Variants in SATB2 observed in about 807,000 individuals in gnomAD.
The protein encoded by SATB2 is DNA-binding protein SATB2.
SATB2 carries 1 observed loss-of-function variant against 73.4 expected under a neutral mutation model. The observed-to-expected ratio is 0.01, with a 90% CI of 0.00 to 0.06. The LOEUF (loss-of-function observed/expected upper bound fraction) is 0.06. Ranked by LOEUF, SATB2 falls within the 10% of genes least tolerant of loss-of-function variation. The pLI, the probability that SATB2 is intolerant of heterozygous loss-of-function variation, is 1.00. For synonymous variants in SATB2, 397 were observed against 367.0 expected (o/e 1.08, Z -0.93); for missense variants, 459 against 945.8 (o/e 0.49, Z 6.75).
chr2:199,299,663 C>A (rs1276802059), intron 10 of SATB2, among the ~76,000 whole-genome samples: 3 of 151,682 alleles, frequency 2.0e-5, no homozygotes, highest in Non-Finnish European at 4.4e-5. Context: ...ATATGTGGTG[C>A]CTGGAATAAC....
chr2:199,311,365 AC>A (rs1687589788), intron 9 of SATB2, among the ~76,000 whole-genome samples: 1 of 151,856 alleles, frequency 6.6e-6, no homozygotes, highest in South Asian at 2.1e-4. Flanking sequence ...TCAACAGCGC[AC>A]CCCCACCACA....
chr2:199,316,126 G>A (rs977774692), intron 9 of SATB2, among the ~76,000 whole-genome samples: 3 of 152,064 alleles, frequency 2.0e-5, no homozygotes, highest in Admixed American at 1.3e-4. Flanking sequence ...AGCACATAAA[G>A]TCCCCAAACA....
chr2:199,324,411 T>C (rs1687976894), intron 8 of SATB2, among the ~76,000 whole-genome samples: 1 of 152,176 alleles, frequency 6.6e-6, no homozygotes, highest in South Asian at 2.1e-4. Flanking sequence ...GTCTCTCTTA[T>C]TCTTTATTAA....
At position 199,464,433 on chromosome 2, in the gene SATB2, G is replaced by GCGCACA. The variant is rs1473573048; in HGVS notation, c.-141+402_-141+403insTGTGCG. On this transcript the variant is annotated intron_variant, in intron 1 of 11. Coordinates refer to the SATB2 transcript ENST00000260926. The surrounding 1 kb of genome is among the most constrained non-coding windows in gnomAD (Gnocchi z 6.6). ...CACCACCATTTCCACGCGCGCGCGC[G>GCGCACA]CACACACACACACACACACACAGAG... 6.7e-6 allele frequency among the ~76,000 whole-genome samples: 1 copy of GCGCACA among 149,382 alleles called. No individual in the cohort carries two copies. Among genetic ancestry groups the GCGCACA allele is most frequent in the African/African-American group, 2.4e-5 (1 of 40,970 alleles).
At chr2:199,382,274 C>A (rs567044033) in intron 3 of SATB2, among the ~76,000 whole-genome samples, 5 of 152,228 alleles carry the variant, frequency 3.3e-5, no homozygotes, top group Non-Finnish European at 7.4e-5. Flanking sequence ...GACTGTGGTG[C>A]GATTCCCAGT....
intron 3 of SATB2, among the ~76,000 whole-genome samples, chr2:199,425,080 G>A (rs1167954386): frequency 1.3e-5 from 2 of 152,142 alleles, no homozygotes; most frequent in African/African-American, 2.4e-5. Flanking sequence ...ATGCTTTAAA[G>A]GGGAGCAGAA....
At chr2:199,469,200 C>A (rs2105972468), upstream of SATB2, among the ~76,000 whole-genome samples, 1 of 152,314 alleles carries the variant, frequency 6.6e-6, no homozygotes, top group East Asian at 1.9e-4. Context: ...GAAGGTTAAT[C>A]ATTTTGTTAA....
chr2:199,361,606 A>T (rs543902047), intron 6 of SATB2, among the ~76,000 whole-genome samples: 129 of 151,938 alleles, frequency 8.5e-4, no homozygotes, highest in African/African-American at 3.0e-3. Flanking sequence ...CCTCATTTTC[A>T]ATATGTCACT....
intron 5 of SATB2, among the ~76,000 whole-genome samples, chr2:199,370,388 T>C (rs1036824565): frequency 3.3e-5 from 5 of 152,112 alleles, no homozygotes; most frequent in Non-Finnish European, 7.4e-5. Context: ...TTTTTTAACA[T>C]GAAAGTAGCT....
At chr2:199,440,520 T>C (rs1456430858) in intron 2 of SATB2, among the ~76,000 whole-genome samples, 3 of 152,028 alleles carry the variant, frequency 2.0e-5, no homozygotes, top group Non-Finnish European at 4.4e-5. Flanking sequence ...TAAGAAACAG[T>C]AGAAAAAAAA....
chr2:199,416,947 A>G (rs924889375), intron 3 of SATB2, among the ~76,000 whole-genome samples: 3 of 151,834 alleles, frequency 2.0e-5, no homozygotes, highest in African/African-American at 7.3e-5. Flanking sequence ...GAGGCAGGAG[A>G]ATGGCGTGAA....
chr2:199,280,811 CT>C (rs1184042066), intron 10 of SATB2, among the ~76,000 whole-genome samples: 4 of 152,272 alleles, frequency 2.6e-5, no homozygotes, highest in South Asian at 4.2e-4. Context: ...AATTTCGCCC[CT>C]GTCCTGTGGT....
chr2:199,458,463 G>A (rs754616073), upstream of SATB2: 2 of 395,446 alleles, frequency 5.1e-6, no homozygotes, highest in South Asian at 3.5e-5. Flanking sequence ...TGCGGCGCGA[G>A]GCGGTGGCCG....
At chr2:199,325,044 A>G (rs1023757566) in intron 8 of SATB2, among the ~76,000 whole-genome samples, 4 of 152,084 alleles carry the variant, frequency 2.6e-5, no homozygotes, top group Non-Finnish European at 5.9e-5. Context: ...GGCAGTGTGG[A>G]CTCTGTGACA....
chr2:199,464,367 G>C lies in SATB2; in HGVS notation c.-141+469C>G, dbSNP rs984565382. Among the ~76,000 whole-genome samples the C allele has an allele frequency of 6.6e-6, 1 of 152,094 alleles. No homozygotes were observed. Among genetic ancestry groups the C allele is most frequent in the African/African-American group, 2.4e-5 (1 of 41,396 alleles). ...CTTAGAGGACTTCACTGGGCGGGTT[G>C]GGGTTTATTTTCAATAAATTCAGCT... is the stretch of plus-strand genomic sequence containing the variant. On this transcript the variant is annotated intron_variant, in intron 1 of 11. Transcript: ENST00000260926. This position sits in a 1 kb window ranked among gnomAD's most constrained non-coding sequence, Gnocchi z 6.6.
At chr2:199,313,016 G>A (rs748160148) in intron 9 of SATB2, among the ~76,000 whole-genome samples, 3 of 152,120 alleles carry the variant, frequency 2.0e-5, no homozygotes, top group Non-Finnish European at 4.4e-5. Flanking sequence ...TGCCGGCTAC[G>A]ATCCTGTCCC....
intron 10 of SATB2, among the ~76,000 whole-genome samples, chr2:199,302,698 T>C (rs923865554): frequency 1.3e-5 from 2 of 152,172 alleles, no homozygotes; most frequent in Non-Finnish European, 2.9e-5. Context: ...GTAAGAGAAT[T>C]TGTAAACATT....
rs1185007696 is a variant in SATB2 at position 199,405,650 on chromosome 2, C to T, written c.347-23830G>A. 3.9e-5 allele frequency among the ~76,000 whole-genome samples: 6 copies of T among 152,206 alleles called. No homozygotes were observed. In the East Asian group the frequency reaches 1.2e-3, roughly 29 times the overall value. On this transcript the variant is annotated intron_variant, in intron 3 of 10. Coordinates refer to ENST00000417098, the MANE Select transcript of SATB2 (RefSeq NM_001172509.2). The stretch of plus-strand genomic sequence containing the variant: ...TTTCAGGGAAAAGGAAAGCAGTTTC[C>T]TCAAAAGTGTTCTCTGAACCTTCAC...
At chr2:199,440,016 G>C (rs1157692579) in intron 2 of SATB2, among the ~76,000 whole-genome samples, 1 of 152,118 alleles carries the variant, frequency 6.6e-6, no homozygotes, top group African/African-American at 2.4e-5. Flanking sequence ...GAGGGCAGGA[G>C]AATGGCTTGA....
Sources: allele counts gnomAD v4.1 joint callset (sites outside exome capture counted in the v4.1 genomes callset), GRCh38; gene constraint gnomAD v4.1.1; non-coding constraint Gnocchi (gnomAD v3.1); transcripts MANE v1.5; gene names NCBI Gene and HGNC (gene_info 2026-07-23, HGNC 2026-07-21).